ANKRD44: variants seen among roughly 807,000 people sequenced by gnomAD.
ANKRD44 encodes ankyrin repeat domain 44.
ANKRD44 carries 35 observed loss-of-function variants against 116.0 expected under a neutral mutation model. The ratio of observed to expected loss-of-function variants is 0.30; its 90% CI spans 0.23 to 0.40. The LOEUF (loss-of-function observed/expected upper bound fraction) is 0.40, where lower values mean the gene tolerates loss of function less well. Among genes scored for constraint, ANKRD44 ranks in the 10% least tolerant of loss-of-function variants. ANKRD44 has a pLI of 1.00. For missense variants in ANKRD44, 1,014 were observed against 1,242.6 expected, an observed-to-expected ratio of 0.82 and a Z score of 2.77; for synonymous variants, 435 against 461.8, an observed-to-expected ratio of 0.94 and a Z score of 0.74.
chr2:197,214,900 CAG>C (rs1281515535), intron 1 of ANKRD44, among the ~76,000 whole-genome samples: 2 of 152,036 alleles, frequency 1.3e-5, no homozygotes, highest in Admixed American at 6.5e-5. Flanking sequence ...TTTTTTGAGA[CAG>C]AGTCTCACTC....
chr2:197,284,395 G>A (rs1278345620), intron 1 of ANKRD44, among the ~76,000 whole-genome samples: 2 of 151,618 alleles, frequency 1.3e-5, no homozygotes, highest in Non-Finnish European at 2.9e-5. Context: ...TTCTTAGAAG[G>A]AAAAAAACTA....
chr2:197,094,208 C>T (rs1016441516), intron 10 of ANKRD44, among the ~76,000 whole-genome samples: 1 of 152,164 alleles, frequency 6.6e-6, no homozygotes, highest in Non-Finnish European at 1.5e-5. Flanking sequence ...GTAAAGAATA[C>T]ATGATTAAAG....
At chr2:197,240,908 G>C (rs564037553) in intron 1 of ANKRD44, among the ~76,000 whole-genome samples, 92 of 151,586 alleles carry the variant, frequency 6.1e-4, no homozygotes, top group African/African-American at 2.0e-3. Flanking sequence ...ATGATCAAAG[G>C]CCTCTCCATC....
chr2:197,112,043 T>C (rs552272534), intron 8 of ANKRD44, among the ~76,000 whole-genome samples: 4 of 152,172 alleles, frequency 2.6e-5, no homozygotes, highest in Non-Finnish European at 5.9e-5. Context: ...AATACCAAGA[T>C]ACCATATGTA....
chr2:196,991,705 C>T (rs555941490), intron 27 of ANKRD44, among the ~76,000 whole-genome samples: 5 of 152,008 alleles, frequency 3.3e-5, no homozygotes, highest in African/African-American at 7.2e-5. Flanking sequence ...CTCAGCCTCC[C>T]GAGTAGCTGG....
At chr2:197,112,115 T>C (rs2078582710) in intron 8 of ANKRD44, among the ~76,000 whole-genome samples, 1 of 152,216 alleles carries the variant, frequency 6.6e-6, no homozygotes. Flanking sequence ...AATATTACTG[T>C]TATTTTAGAA....
intron 27 of ANKRD44, chr2:196,990,570 C>G: frequency 1.6e-6 from 2 of 1,230,492 alleles, no homozygotes; most frequent in Non-Finnish European, 2.0e-6. Flanking sequence ...CTACTAGCTT[C>G]TGGAAGCCCA....
chr2:197,274,380 G>A (rs907636306), intron 1 of ANKRD44, among the ~76,000 whole-genome samples: 1 of 152,146 alleles, frequency 6.6e-6, no homozygotes, highest in Non-Finnish European at 1.5e-5. Context: ...AAGGCTTGCC[G>A]CCCAGCTGTG....
chr2:197,031,038 A>G (rs971183454), intron 16 of ANKRD44, among the ~76,000 whole-genome samples: 1 of 152,168 alleles, frequency 6.6e-6, no homozygotes, highest in African/African-American at 2.4e-5. Flanking sequence ...AGGAAATTAT[A>G]GTACCCACAA....
At chr2:197,296,242 T>A (rs1276413320) in intron 1 of ANKRD44, 1 of 152,090 alleles carries the variant, frequency 6.6e-6, no homozygotes, top group Admixed American at 6.6e-5. Context: ...TACCTGCCTG[T>A]CACCTACACT....
intron 6 of ANKRD44, among the ~76,000 whole-genome samples, chr2:197,125,169 CTCT>C (rs1237068211): frequency 6.6e-6 from 1 of 152,350 alleles, no homozygotes; most frequent in East Asian, 1.9e-4. Flanking sequence ...TTCATTCCTC[CTCT>C]TCTTTGTAGG....
chr2:196,996,218 G>GT (rs1318187936), intron 25 of ANKRD44, among the ~76,000 whole-genome samples: 2 of 152,100 alleles, frequency 1.3e-5, no homozygotes, highest in Non-Finnish European at 2.9e-5. Flanking sequence ...ATCAGAATCT[G>GT]TTTTTTTCAC....
At chr2:197,236,358 C>T (rs193012624) in intron 1 of ANKRD44, among the ~76,000 whole-genome samples, 29 of 152,272 alleles carry the variant, frequency 1.9e-4, no homozygotes, top group Non-Finnish European at 3.1e-4. Flanking sequence ...ACCACCCACT[C>T]AAACTGAGGC....
chr2:197,263,169 T>C, intron 1 of ANKRD44: 1 of 473,444 alleles, frequency 2.1e-6, no homozygotes, highest in Non-Finnish European at 4.0e-6. Flanking sequence ...GCCTCACAGC[T>C]GCTAAGCCAT....
chr2:197,205,990 G>A (rs1292292326), intron 1 of ANKRD44, among the ~76,000 whole-genome samples: 1 of 152,194 alleles, frequency 6.6e-6, no homozygotes, highest in East Asian at 1.9e-4. Flanking sequence ...GGCTGGCCAC[G>A]CTGAGACTTT....
chr2:197,140,270 C>T (rs2079328840), intron 3 of ANKRD44, among the ~76,000 whole-genome samples: 1 of 152,080 alleles, frequency 6.6e-6, no homozygotes, highest in Admixed American at 6.5e-5. Flanking sequence ...TATAAGATTG[C>T]TTAGTTTCCC....
intron 1 of ANKRD44, among the ~76,000 whole-genome samples, chr2:197,306,211 T>C (rs1252727138): frequency 6.6e-6 from 1 of 152,110 alleles, no homozygotes; most frequent in Non-Finnish European, 1.5e-5. Flanking sequence ...ATTAATCCCA[T>C]GGCTGCACTG....
Position 197,013,653 on chromosome 2 carries a change from G to A in ANKRD44, c.1782C>T (p.Asp594=). The A allele has an allele frequency of 6.2e-7, 1 of 1,614,028 alleles. No individual in the cohort carries two copies. Among genetic ancestry groups the A allele is most frequent in the Non-Finnish European group, 8.5e-7 (1 of 1,180,032 alleles). ...EVLLQSLVDL[D]IRDEKGRTAL... is the part of the protein sequence containing the mutation. ...CAGTGCGGCCTTTCTCATCCCTGAT[G>A]TCCAGGTCCACCAACGACTGCAGAA... Residue 594 remains aspartate (D), a synonymous_variant, in exon 18 of 28, where the codon GAC becomes GAT. Transcript: ENST00000282272.
At chr2:197,308,899 G>C (rs1292478583) in intron 1 of ANKRD44, among the ~76,000 whole-genome samples, 1 of 152,150 alleles carries the variant, frequency 6.6e-6, no homozygotes, top group Non-Finnish European at 1.5e-5. Flanking sequence ...CACCTGGAAG[G>C]CAGAAGACAA....
Sources: gnomAD v4.1 joint callset for allele counts (sites outside exome capture counted in the v4.1 genomes callset) on GRCh38, gnomAD v4.1.1 for gene constraint, MANE v1.5 for transcripts, NCBI Gene and HGNC (gene_info 2026-07-23, HGNC 2026-07-21) for gene names.